SLC9A3: variants seen among roughly 807,000 people sequenced by gnomAD.
The protein encoded by SLC9A3 is solute carrier family 9 member A3, also known as sodium/hydrogen exchanger 3.
Under a neutral mutation model 86.8 loss-of-function variants are expected in SLC9A3, and 37 were observed. The observed-to-expected ratio is 0.43, with a 90% CI of 0.33 to 0.56. The LOEUF (loss-of-function observed/expected upper bound fraction) is 0.56, where lower values mean the gene tolerates loss of function less well. Among genes scored for constraint, SLC9A3 ranks in the 20% least tolerant of loss-of-function variants. SLC9A3 has a pLI of 0.06. For missense variants in SLC9A3, 1,011 were observed against 1,171.9 expected, an observed-to-expected ratio of 0.86 and a Z score of 2.00; for synonymous variants, 581 against 528.3, an observed-to-expected ratio of 1.10 and a Z score of -1.37.
chr5:484,734 T>G, intron 4 of SLC9A3, 37 bp from the exon 5 acceptor site: 2 of 1,602,770 alleles, frequency 1.2e-6, no homozygotes, highest in Non-Finnish European at 1.7e-6. Context: ...GTGCCGGCCT[T>G]CCGGGCCCTT....
At chr5:479,611 C>T in intron 10 of SLC9A3, 1 of 540,234 alleles carries the variant, frequency 1.9e-6, no homozygotes. Context: ...CAGCGCTCAC[C>T]CCCACCAGCA....
chr5:510,306 C>T (rs376596290), intron 1 of SLC9A3, among the ~76,000 whole-genome samples: 4 of 152,184 alleles, frequency 2.6e-5, no homozygotes, highest in Non-Finnish European at 5.9e-5. Flanking sequence ...TCGTGTGGGA[C>T]GGAAGCACTG....
At chr5:478,163 C>T (rs140265682) in intron 10 of SLC9A3, 1 of 152,252 alleles carries the variant, frequency 6.6e-6, no homozygotes, top group Non-Finnish European at 1.5e-5. Context: ...TGCCGCTGTT[C>T]CCACTGAAGA....
At chr5:481,451 G>T in intron 9 of SLC9A3, 114 bp downstream of exon 9, 1 of 934,168 alleles carries the variant, frequency 1.1e-6, no homozygotes, top group Non-Finnish European at 1.7e-6. Flanking sequence ...CCGGAGCCCT[G>T]ACCAAGCCTG....
chr5:479,811 C>G, intron 10 of SLC9A3, 25 bp downstream of exon 10: 1 of 1,611,518 alleles, frequency 6.2e-7, no homozygotes, highest in East Asian at 2.2e-5. Context: ...CAGCCCCGAC[C>G]CGGCAGAGCA....
At chr5:482,504 G>GT (rs1455807318) in intron 7 of SLC9A3, 44 bp downstream of exon 7, 1 of 1,518,016 alleles carries the variant, frequency 6.6e-7, no homozygotes, top group East Asian at 2.3e-5. Flanking sequence ...GGCTCCCCTC[G>GT]CGGGCGGGGC....
intron 1 of SLC9A3, among the ~76,000 whole-genome samples, chr5:507,550 C>T (rs1354946942): frequency 3.3e-5 from 5 of 151,794 alleles, no homozygotes; most frequent in African/African-American, 4.8e-5. Context: ...CAGGTGTGAG[C>T]CACCGCGCCC....
chr5:490,603 C>T lies in SLC9A3; in HGVS notation c.514+1166G>A, dbSNP rs371728320. On this transcript the variant is annotated intron_variant, in intron 2 of 16. Transcript: ENST00000264938. ...ATCACAGGCTACTCCATCCCACACT[C>T]GACACAGCTGGGAGGAAGCTGGGAT... Among the ~76,000 whole-genome samples, 13 of 152,246 alleles carry T rather than the reference C, an allele frequency of 8.5e-5. No homozygotes were observed. The East Asian group carries it at 1.5e-3, about 18-fold the overall frequency.
intron 15 of SLC9A3, 100 bp from the exon 16 acceptor site, chr5:475,232 G>T: frequency 3.0e-6 from 2 of 671,042 alleles, no homozygotes. Flanking sequence ...TGGAAAGTTA[G>T]GGTCACCGGG....
At chr5:489,630 C>T (rs902285008) in intron 2 of SLC9A3, among the ~76,000 whole-genome samples, 7 of 152,194 alleles carry the variant, frequency 4.6e-5, no homozygotes, top group East Asian at 1.9e-4. Context: ...GAAGAACCAG[C>T]GTTCAGGGAG....
At chr5:511,294 A>T (rs1383747809) in intron 1 of SLC9A3, among the ~76,000 whole-genome samples, 1 of 152,250 alleles carries the variant, frequency 6.6e-6, no homozygotes, top group Non-Finnish European at 1.5e-5. Flanking sequence ...GAATTTTTAG[A>T]TCAACACCAA....
intron 1 of SLC9A3, among the ~76,000 whole-genome samples, chr5:505,037 G>A (rs1389871484): frequency 4.6e-5 from 7 of 151,884 alleles, no homozygotes; most frequent in African/African-American, 1.5e-4. Flanking sequence ...ATGGGAAAAG[G>A]CCTCAGAACA....
Position 488,403 on chromosome 5 carries a change from G to A in SLC9A3, c.588C>T (p.Val196=). 6.2e-7 allele frequency: 1 copy of A among 1,610,242 alleles called. No individual in the cohort carries two copies. The highest frequency in any genetic ancestry group is 8.5e-7 in the Non-Finnish European group (1 of 1,178,390). The change falls in exon 3 of 17, where the codon GTC becomes GTT. Residue 196 remains valine, a synonymous_variant. Transcript: ENST00000264938. ...SLMAAVDPVA[V]LAVFEEVHVN... Reference sequence around the variant, plus strand: ...CATGGACCTCCTCAAACACGGCCAGGACGGCCACCGGGTCCACAGCCGCCA... The same window carrying A: ...CATGGACCTCCTCAAACACGGCCAGAACGGCCACCGGGTCCACAGCCGCCA...
Position 473,082 on chromosome 5 carries a change from C to G in SLC9A3, c.*297G>C. 4.4e-6 allele frequency: 1 copy of G among 225,528 alleles called. No individual in the cohort carries two copies. Among genetic ancestry groups the G allele is most frequent in the Non-Finnish European group, 8.4e-6 (1 of 119,558 alleles). The allele number at this position is 225,528 out of a possible 1,614,324, so 14.0% of individuals were successfully genotyped here. On this transcript the variant is annotated 3_prime_UTR_variant, in exon 17 of 17. Coordinates refer to ENST00000264938, the MANE Select transcript of SLC9A3 (RefSeq NM_004174.4). The stretch of plus-strand genomic sequence containing the variant: ...CGCGCGAGGCCGCTGGAACGAGCGC[C>G]GGCTGTGCACGCGGCGCGCCGCCGC...
rs377586992 is a variant in SLC9A3 at position 476,008 on chromosome 5, C to T, written c.2140+12G>A. 1.2e-5 allele frequency: 19 copies of T among 1,600,358 alleles called. No individual in the cohort carries two copies. The highest frequency in any genetic ancestry group is 6.7e-5 in the African/African-American group (5 of 74,726). On this transcript the variant is annotated intron_variant, in intron 14 of 16. Transcript: ENST00000264938. ...TCCCAGTCCCAGCGTTCCTGCAGGG[C>T]CCCCAGCGCACCTTTCTCCTTGATG... is the stretch of plus-strand genomic sequence containing the variant.
At chr5:479,323 CCTCTGGT>C (rs1738995103) in intron 10 of SLC9A3, 1 of 156,910 alleles carries the variant, frequency 6.4e-6, no homozygotes, top group Non-Finnish European at 1.4e-5. Context: ...GGGCGCCTGG[CCTCTGGT>C]CTCTGGAGCA....
At chr5:522,482 G>A (rs535251876) in intron 1 of SLC9A3, among the ~76,000 whole-genome samples, 8 of 152,312 alleles carry the variant, frequency 5.3e-5, no homozygotes, top group Admixed American at 2.6e-4. Context: ...ATTCACGGCC[G>A]GGCGCGGTGG....
chr5:472,490 C>G lies in SLC9A3; in HGVS notation c.*889G>C. The G allele has an allele frequency of 3.0e-6, 1 of 334,624 alleles. No individual in the cohort carries two copies. The highest frequency in any genetic ancestry group is 8.1e-4 in the Middle Eastern group (1 of 1,238). The allele number at this position is 334,624 out of a possible 1,614,324, so 20.7% of individuals were successfully genotyped here. A position where few individuals can be genotyped will look rare whatever the true frequency, so the allele number is the denominator to read the frequency against. Reference sequence around the variant, plus strand: ...TCTCACCCAGCCAGGGCACCCCGGGCGACCTCCGCGCCAGGTGCGACAGCT... The same window carrying G: ...TCTCACCCAGCCAGGGCACCCCGGGGGACCTCCGCGCCAGGTGCGACAGCT... On this transcript the variant is annotated 3_prime_UTR_variant, in exon 17 of 17. Coordinates refer to ENST00000264938, the MANE Select transcript of SLC9A3 (RefSeq NM_004174.4).
At position 484,622 on chromosome 5, in the gene SLC9A3, C is replaced by T. The variant is rs757291340; in HGVS notation, c.830G>A (p.Arg277His). Residue 277 changes from arginine to histidine, a missense_variant, in exon 5 of 17, where the codon CGC (arginine) becomes CAC (histidine). Arg to His is a conservative substitution (Grantham distance 29, BLOSUM62 0). Coordinates refer to ENST00000264938, the MANE Select transcript of SLC9A3 (RefSeq NM_004174.4). ...GATGATACGCACATGCTTGGTGAAGCGCGTCACCAGCGACAGCAGGAAGGC... is the reference window on the plus strand; with the variant it reads ...GATGATACGCACATGCTTGGTGAAGTGCGTCACCAGCGACAGCAGGAAGGC... Reference protein sequence around the residue: ...VFAFLLSLVTRFTKHVRIIEP... With the variant: ...VFAFLLSLVTHFTKHVRIIEP... 3.1e-6 allele frequency: 5 copies of T among 1,613,216 alleles called. No homozygotes were observed. Among genetic ancestry groups the T allele is most frequent in the Middle Eastern group, 1.6e-4 (1 of 6,062 alleles).
Sources: allele counts gnomAD v4.1 joint callset (sites outside exome capture counted in the v4.1 genomes callset), GRCh38; gene constraint gnomAD v4.1.1; transcripts MANE v1.5; gene names NCBI Gene and HGNC (gene_info 2026-07-23, HGNC 2026-07-21).